The following KCNIP4 variants were observed in gnomAD, a reference collection of about 807,000 sequenced individuals.
KCNIP4 encodes the protein Kv channel-interacting protein 4.
KCNIP4 carries 12 observed loss-of-function variants against 34.0 expected under a neutral mutation model. That is an observed-to-expected ratio of 0.35 (90% CI 0.23 to 0.57). The LOEUF is 0.57. Among genes scored for constraint, KCNIP4 ranks in the 20% least tolerant of loss-of-function variants. The pLI is 0.83. For missense variants in KCNIP4, 238 were observed against 311.7 expected (o/e 0.76, Z 1.78); for synonymous variants, 124 against 102.2 (o/e 1.21, Z -1.29).
At chr4:21,865,102 T>C (rs983136678) in intron 1 of KCNIP4, among the ~76,000 whole-genome samples, 3 of 152,134 alleles carry the variant, frequency 2.0e-5, no homozygotes, top group Admixed American at 2.0e-4. Context: ...TGCTGTTTCA[T>C]ACTTGAAGAA....
At chr4:21,273,798 A>G (rs1762289389) in intron 1 of KCNIP4, among the ~76,000 whole-genome samples, 1 of 152,156 alleles carries the variant, frequency 6.6e-6, no homozygotes, top group South Asian at 2.1e-4. Context: ...TCTATATACT[A>G]CAGCTGTACC....
At chr4:21,476,044 C>T (rs1730932547) in intron 1 of KCNIP4, among the ~76,000 whole-genome samples, 1 of 152,112 alleles carries the variant, frequency 6.6e-6, no homozygotes, top group African/African-American at 2.4e-5. Flanking sequence ...CAGGGTTCTG[C>T]CTTCTAGATT....
intron 1 of KCNIP4, among the ~76,000 whole-genome samples, chr4:21,136,926 A>G (rs907988036): frequency 2.0e-5 from 3 of 152,036 alleles, no homozygotes; most frequent in South Asian, 4.2e-4. Flanking sequence ...CCTTTTTATG[A>G]TGCTATACAA....
chr4:21,006,327 G>A (rs1738555720), intron 1 of KCNIP4, among the ~76,000 whole-genome samples: 1 of 152,180 alleles, frequency 6.6e-6, no homozygotes, highest in African/African-American at 2.4e-5. Flanking sequence ...GGCAGATTGG[G>A]GAGTTGCTTC....
intron 1 of KCNIP4, among the ~76,000 whole-genome samples, chr4:20,923,626 A>G (rs1729617556): frequency 6.6e-6 from 1 of 152,208 alleles, no homozygotes; most frequent in Admixed American, 6.5e-5. Flanking sequence ...CCAATGTATG[A>G]GTTAGGACTG....
chr4:21,398,513 GA>G (rs1290963778), intron 1 of KCNIP4, among the ~76,000 whole-genome samples: 3 of 152,132 alleles, frequency 2.0e-5, no homozygotes, highest in African/African-American at 7.2e-5. Flanking sequence ...AATTTGAAGA[GA>G]AAAATCAACT....
At chr4:21,296,130 C>T (rs1316298469) in intron 1 of KCNIP4, among the ~76,000 whole-genome samples, 1 of 152,038 alleles carries the variant, frequency 6.6e-6, no homozygotes, top group Non-Finnish European at 1.5e-5. Flanking sequence ...ATGTTGTTTA[C>T]CATGAAAAAG....
At chr4:21,519,710 GTGTATAT>G (rs1223288366) in intron 1 of KCNIP4, among the ~76,000 whole-genome samples, 27 of 136,038 alleles carry the variant, frequency 2.0e-4, no homozygotes, top group African/African-American at 7.2e-4. Flanking sequence ...GTGTATGTAT[GTGTATAT>G]ATACACACGT....
intron 1 of KCNIP4, among the ~76,000 whole-genome samples, chr4:21,249,133 C>A (rs1355436384): frequency 2.6e-5 from 4 of 151,948 alleles, no homozygotes; most frequent in Non-Finnish European, 5.9e-5. Flanking sequence ...GCAAAATCAA[C>A]AGTAAGAAGG....
chr4:21,120,017 C>A (rs1369310910), intron 1 of KCNIP4, among the ~76,000 whole-genome samples: 1 of 152,114 alleles, frequency 6.6e-6, no homozygotes, highest in Non-Finnish European at 1.5e-5. Context: ...AGAATAGGAA[C>A]CATCCCTGGG....
At chr4:21,802,000 T>C (rs1383899661) in intron 1 of KCNIP4, among the ~76,000 whole-genome samples, 2 of 151,428 alleles carry the variant, frequency 1.3e-5, no homozygotes, top group Admixed American at 6.6e-5. Context: ...GTGCATAGGG[T>C]AGGGCACAGA....
chr4:20,851,661 G>A (rs2149484385), intron 2 of KCNIP4, among the ~76,000 whole-genome samples: 1 of 152,208 alleles, frequency 6.6e-6, no homozygotes, highest in African/African-American at 2.4e-5. Flanking sequence ...CAGTGTAAAA[G>A]TTTCCCTTTT....
intron 1 of KCNIP4, among the ~76,000 whole-genome samples, chr4:20,985,527 C>G (rs1038945323): frequency 2.6e-5 from 4 of 152,066 alleles, no homozygotes; most frequent in African/African-American, 9.7e-5. Context: ...AAGCAGTGGG[C>G]ATAGTGACTG....
intron 1 of KCNIP4, among the ~76,000 whole-genome samples, chr4:21,357,387 G>C (rs907859952): frequency 6.6e-6 from 1 of 152,104 alleles, no homozygotes; most frequent in African/African-American, 2.4e-5. Context: ...GCAACCTATG[G>C]AATGGGAGAA....
chr4:21,606,236 G>A (rs1743651418), intron 1 of KCNIP4, among the ~76,000 whole-genome samples: 1 of 152,144 alleles, frequency 6.6e-6, no homozygotes, highest in Non-Finnish European at 1.5e-5. Context: ...AGAGAGTGAA[G>A]GTGGTGGTGG....
intron 2 of KCNIP4, among the ~76,000 whole-genome samples, chr4:20,853,414 G>A (rs1721245154): frequency 2.0e-5 from 3 of 152,060 alleles, no homozygotes; most frequent in Admixed American, 1.3e-4. Flanking sequence ...TTCAACAAAT[G>A]GTGCTGGGAT....
At position 21,026,117 on chromosome 4, in the gene KCNIP4, AG is replaced by A. The variant is rs1035764459; in HGVS notation, c.62-143409del. On this transcript the variant is annotated intron_variant, in intron 1 of 8. Transcript: ENST00000382152. ...CCATAATGAGGCAACTTGACTTCTC[AG>A]GGTCCCTTGCCTTCTGGTTTCTGGT... is the stretch of plus-strand genomic sequence containing the variant. Among the ~76,000 whole-genome samples, 44 of 152,172 alleles carry A rather than the reference AG, an allele frequency of 2.9e-4. 1 individual carries two copies. Among genetic ancestry groups the A allele is most frequent in the African/African-American group, 6.5e-4 (27 of 41,442 alleles).
chr4:21,770,980 C>A (rs1007575107), intron 1 of KCNIP4, among the ~76,000 whole-genome samples: 2 of 152,110 alleles, frequency 1.3e-5, no homozygotes, highest in African/African-American at 4.8e-5. Flanking sequence ...GCTTTTGTTG[C>A]AATTGCTTTT....
chr4:21,894,299 C>T (rs1046694441), intron 1 of KCNIP4, among the ~76,000 whole-genome samples: 3 of 151,892 alleles, frequency 2.0e-5, no homozygotes, highest in Non-Finnish European at 2.9e-5. Flanking sequence ...TGAGCTACTG[C>T]GCTCCAGCCT....
Sources: allele counts gnomAD v4.1 joint callset (sites outside exome capture counted in the v4.1 genomes callset), GRCh38; gene constraint gnomAD v4.1.1; transcripts MANE v1.5; gene names NCBI Gene and HGNC (gene_info 2026-07-23, HGNC 2026-07-21).